HDX: variants seen among roughly 807,000 people sequenced by gnomAD.
HDX encodes the protein chromosome X open reading frame 43.
Under a neutral mutation model 45.2 loss-of-function variants are expected in HDX, and 19 were observed. The ratio of observed to expected loss-of-function variants is 0.42; its 90% CI spans 0.29 to 0.62. The LOEUF is 0.62. HDX is among the 20% of genes least tolerant of loss of function. The pLI, the probability that HDX is intolerant of heterozygous loss-of-function variation, is 0.20. For synonymous variants in HDX, 188 were observed against 172.8 expected (o/e 1.09, Z -0.69); for missense variants, 532 against 493.9 (o/e 1.08, Z -0.73).
intron 3 of HDX, among the ~76,000 whole-genome samples, chrX:84,469,836 G>A (rs1328411480): frequency 1.8e-5 from 2 of 111,314 alleles, no homozygotes; most frequent in East Asian, 5.6e-4. Flanking sequence ...CAACTAATAT[G>A]TATCAAGAAA....
At chrX:84,330,854 T>C (rs1211739792) in intron 9 of HDX, among the ~76,000 whole-genome samples, 1 of 112,292 alleles carries the variant, frequency 8.9e-6, no homozygotes, top group East Asian at 2.8e-4. Context: ...GCAAGCCTAT[T>C]AAATACTTCC....
chrX:84,351,437 C>G (rs2037357398), intron 6 of HDX, among the ~76,000 whole-genome samples: 1 of 110,922 alleles, frequency 9.0e-6, no homozygotes, highest in Non-Finnish European at 1.9e-5. Flanking sequence ...AGGCAGAAGT[C>G]TTGGTCCTCC....
chrX:84,366,140 G>A (rs1485030170), intron 5 of HDX, among the ~76,000 whole-genome samples: 1 of 111,760 alleles, frequency 8.9e-6, no homozygotes, highest in Non-Finnish European at 1.9e-5. Context: ...CAAAGTCTCA[G>A]GATACAAAAT....
chrX:84,339,652 A>C (rs950905795), intron 7 of HDX, among the ~76,000 whole-genome samples: 3 of 111,638 alleles, frequency 2.7e-5, no homozygotes, highest in African/African-American at 9.8e-5. Context: ...CCCCAAGAAA[A>C]GCAGCTCTGC....
chrX:84,375,711 A>C (rs1261514384), intron 5 of HDX, among the ~76,000 whole-genome samples: 1 of 103,205 alleles, frequency 9.7e-6, no homozygotes, highest in East Asian at 3.3e-4. Context: ...ACATGGACAC[A>C]GGAAGGGGAA....
At chrX:84,336,191 CATCACT>C (rs969164168) in intron 8 of HDX, among the ~76,000 whole-genome samples, 11 of 111,187 alleles carry the variant, frequency 9.9e-5, no homozygotes, top group African/African-American at 3.6e-4. Flanking sequence ...GCATAGGGAG[CATCACT>C]ATATGTTTAC....
chrX:84,463,947 A>AT (rs1441839956), intron 4 of HDX, among the ~76,000 whole-genome samples: 2 of 111,324 alleles, frequency 1.8e-5, no homozygotes, highest in Admixed American at 9.5e-5. Context: ...ATCCTTTAGG[A>AT]TTTTTTCAAT....
chrX:84,430,684 A>ATT (rs34140119), intron 5 of HDX, among the ~76,000 whole-genome samples: 11,195 of 104,629 alleles, frequency 0.11, 622 homozygotes, highest in East Asian at 0.41. Context: ...AGTATTTGTG[A>ATT]TTTTTTTTTT....
chrX:84,407,424 T>C (rs762283106), intron 5 of HDX, among the ~76,000 whole-genome samples: 1 of 111,782 alleles, frequency 8.9e-6, no homozygotes, highest in South Asian at 3.7e-4. Flanking sequence ...TACTACATGA[T>C]GTAAATGTTC....
chrX:84,500,022 T>C (rs781169196), intron 1 of HDX: 4 of 112,012 alleles, frequency 3.6e-5, no homozygotes, highest in African/African-American at 9.7e-5. Flanking sequence ...AAGAGAAGTA[T>C]AGAACAGTGG....
At chrX:84,403,318 G>T (rs1449814176) in intron 5 of HDX, among the ~76,000 whole-genome samples, 2 of 111,127 alleles carry the variant, frequency 1.8e-5, no homozygotes, top group Admixed American at 1.9e-4. Context: ...TTTTTTCTAT[G>T]TAATAGTAAA....
intron 9 of HDX, among the ~76,000 whole-genome samples, chrX:84,329,354 A>G (rs2036794133): frequency 8.9e-6 from 1 of 111,780 alleles, no homozygotes; most frequent in Non-Finnish European, 1.9e-5. Context: ...ATTAATACAT[A>G]CATTATTGGT....
intron 4 of HDX, among the ~76,000 whole-genome samples, chrX:84,441,950 C>T (rs1394514697): frequency 1.8e-5 from 2 of 111,357 alleles, no homozygotes; most frequent in Non-Finnish European, 3.8e-5. Context: ...ACCACTAAGA[C>T]AAATGGCCAG....
chrX:84,397,252 A>G (rs1393397434), intron 5 of HDX, among the ~76,000 whole-genome samples: 2 of 111,445 alleles, frequency 1.8e-5, no homozygotes, highest in Non-Finnish European at 3.8e-5. Flanking sequence ...TGGGTAGGGG[A>G]TGTCAGTGAA....
At chrX:84,479,271 T>A (rs979783110) in intron 2 of HDX, among the ~76,000 whole-genome samples, 1 of 111,858 alleles carries the variant, frequency 8.9e-6, no homozygotes, top group South Asian at 3.8e-4. Context: ...ACTGTTTCTA[T>A]AATTTTGACT....
intron 5 of HDX, among the ~76,000 whole-genome samples, chrX:84,375,257 G>A (rs1482131920): frequency 9.0e-6 from 1 of 110,917 alleles, no homozygotes; most frequent in African/African-American, 3.3e-5. Flanking sequence ...AGGTGCTGTA[G>A]AGGATGTGGA....
intron 5 of HDX, among the ~76,000 whole-genome samples, chrX:84,439,664 CTTAT>C (rs2039718930): frequency 9.0e-6 from 1 of 110,783 alleles, no homozygotes; most frequent in African/African-American, 3.3e-5. Context: ...GAGTCCTTTC[CTTAT>C]TTATTATTTC....
chrX:84,324,181 C>G (rs1030975244), intron 10 of HDX, among the ~76,000 whole-genome samples: 4 of 111,307 alleles, frequency 3.6e-5, no homozygotes, highest in African/African-American at 9.7e-5. Flanking sequence ...ATTTTGTAAA[C>G]CCTGGACTAC....
At position 84,412,830 on chromosome X, in the gene HDX, T is replaced by C. The variant is rs140504920; in HGVS notation, c.1305+27702A>G. On this transcript the variant is annotated intron_variant, in intron 5 of 10. Transcript: ENST00000373177. ...TTAAAGAGTAATATGTCTCTTTACA[T>C]AATACTATATTTCTCAGAGGTTTTG... Among the ~76,000 whole-genome samples, 389 of 112,257 alleles carry C rather than the reference T, an allele frequency of 3.5e-3. 3 individuals are homozygous for C. Among genetic ancestry groups the C allele is most frequent in the African/African-American group, 0.012 (376 of 30,932 alleles).
Sources: gnomAD v4.1 joint callset for allele counts (sites outside exome capture counted in the v4.1 genomes callset) on GRCh38, gnomAD v4.1.1 for gene constraint, MANE v1.5 for transcripts, NCBI Gene and HGNC (gene_info 2026-07-23, HGNC 2026-07-21) for gene names.